Variants in TCF12 observed in about 807,000 individuals in gnomAD.
TCF12 encodes transcription factor 12.
Under a neutral mutation model 86.0 loss-of-function variants are expected in TCF12, and 45 were observed. The ratio of observed to expected loss-of-function variants is 0.52; its 90% CI spans 0.41 to 0.67. TCF12 has a LOEUF of 0.67. Among genes scored for constraint, TCF12 ranks in the 30% least tolerant of loss-of-function variants. The pLI is 0.00. For synonymous variants in TCF12, 330 were observed against 299.6 expected, an observed-to-expected ratio of 1.10 and a Z score of -1.05; for missense variants, 881 against 859.9, an observed-to-expected ratio of 1.02 and a Z score of -0.31.
intron 8 of TCF12, among the ~76,000 whole-genome samples, chr15:57,229,029 G>T (rs1474779446): frequency 6.6e-6 from 1 of 151,906 alleles, no homozygotes; most frequent in African/African-American, 2.4e-5. Flanking sequence ...ATGTGTTCGG[G>T]TGCTGTCTTC....
chr15:56,931,803 A>C (rs1477846583), intron 3 of TCF12, among the ~76,000 whole-genome samples: 4 of 152,198 alleles, frequency 2.6e-5, no homozygotes, highest in Admixed American at 1.3e-4. Flanking sequence ...GAAGTGTGTA[A>C]TAAACTAGTT....
chr15:57,152,339 GC>G (rs2053822975), intron 5 of TCF12, among the ~76,000 whole-genome samples: 1 of 152,122 alleles, frequency 6.6e-6, no homozygotes, highest in Non-Finnish European at 1.5e-5. Flanking sequence ...CTCAGAGGTG[GC>G]CCTGTTATTG....
Position 57,263,284 on chromosome 15 carries a change from A to G in TCF12, c.1745+10A>G, listed in dbSNP as rs1173118292. The G allele has an allele frequency of 1.4e-5, 23 of 1,595,910 alleles. No homozygotes were observed. The highest frequency in any genetic ancestry group is 2.0e-5 in the Non-Finnish European group (23 of 1,176,172). On this transcript the variant is annotated intron_variant, in intron 18 of 20. Coordinates refer to ENST00000333725, the MANE Select transcript of TCF12 (RefSeq NM_207037.2). ...CTAGAGGCAGAACAAGGTATTTGTT[A>G]GCATCCAGGTTTTAAATTTTATTCA...
chr15:57,024,139 C>A (rs537960723), intron 3 of TCF12, among the ~76,000 whole-genome samples: 1 of 149,686 alleles, frequency 6.7e-6, no homozygotes, highest in South Asian at 2.1e-4. Context: ...TAACTGTGAA[C>A]AATGTGTTAG....
At chr15:57,028,229 A>G (rs544833697) in intron 3 of TCF12, among the ~76,000 whole-genome samples, 16 of 152,228 alleles carry the variant, frequency 1.1e-4, no homozygotes, top group East Asian at 3.9e-4. Context: ...TGGCCTCTCA[A>G]AGATTATAGG....
rs186212501 is a variant in TCF12, at chr15:57,164,376, G to A, written c.326-2026G>A. On this transcript the variant is annotated intron_variant, in intron 5 of 20. Coordinates refer to ENST00000333725, the MANE Select transcript of TCF12 (RefSeq NM_207037.2). ...TGACTCACAGTTCAACATGGCTGGG[G>A]AGACCTCAGGAAACTTACAGTCATG... 5.0e-3 allele frequency among the ~76,000 whole-genome samples: 764 copies of A among 152,278 alleles called. 4 individuals are homozygous for A. Among genetic ancestry groups the A allele is most frequent in the African/African-American group, 0.018 (744 of 41,556 alleles).
At chr15:57,226,378 T>G (rs1376225592) in intron 8 of TCF12, among the ~76,000 whole-genome samples, 1 of 152,136 alleles carries the variant, frequency 6.6e-6, no homozygotes, top group African/African-American at 2.4e-5. Flanking sequence ...CCAAATAATT[T>G]TGTTATGTTT....
At chr15:57,114,420 A>G (rs763349479) in intron 5 of TCF12, among the ~76,000 whole-genome samples, 1 of 152,138 alleles carries the variant, frequency 6.6e-6, no homozygotes, top group Non-Finnish European at 1.5e-5. Flanking sequence ...CCCCCCAAGT[A>G]GTCGGGAGTA....
chr15:57,066,698 A>G (rs1462689705), intron 4 of TCF12, among the ~76,000 whole-genome samples: 2 of 152,176 alleles, frequency 1.3e-5, no homozygotes, highest in Non-Finnish European at 2.9e-5. Context: ...GAATTGAACT[A>G]TCTGAGCTGC....
At chr15:57,143,106 C>T (rs1374517512) in intron 5 of TCF12, among the ~76,000 whole-genome samples, 1 of 148,310 alleles carries the variant, frequency 6.7e-6, no homozygotes, top group Non-Finnish European at 1.5e-5. Flanking sequence ...CTACCTTTAC[C>T]AAAATACTTG....
chr15:57,164,636 G>C (rs1655134836), intron 5 of TCF12, among the ~76,000 whole-genome samples: 1 of 152,114 alleles, frequency 6.6e-6, no homozygotes, highest in South Asian at 2.1e-4. Context: ...TGAGGACACA[G>C]CCAAACCGTA....
At position 57,108,409 on chromosome 15, in the gene TCF12, A is replaced by C. The variant is rs151105415; in HGVS notation, c.325+16518A>C. On this transcript the variant is annotated intron_variant, in intron 5 of 20. Transcript: ENST00000333725. ...CTGTCCTCAAGTTTACTGGGTGAGA[A>C]GTGGGGTTTGAGGGTTAGGTTTTGA... Among the ~76,000 whole-genome samples, 543 of 152,298 alleles carry C rather than the reference A, an allele frequency of 3.6e-3. 2 individuals carry two copies. The highest frequency in any genetic ancestry group is 0.013 in the African/African-American group (524 of 41,576).
At chr15:57,003,367 G>GTTGA (rs2064161674) in intron 3 of TCF12, among the ~76,000 whole-genome samples, 1 of 152,110 alleles carries the variant, frequency 6.6e-6, no homozygotes. Context: ...CATATATATT[G>GTTGA]TTGATTCATT....
intron 3 of TCF12, among the ~76,000 whole-genome samples, chr15:56,926,168 C>G (rs1227717047): frequency 6.6e-6 from 1 of 152,090 alleles, no homozygotes. Flanking sequence ...ACAGAATTAG[C>G]CAGGTGTTGT....
intron 6 of TCF12, among the ~76,000 whole-genome samples, chr15:57,170,677 TATATTATATATA>T (rs2055303547): frequency 5.3e-3 from 7 of 1,310 alleles, no homozygotes; most frequent in Admixed American, 0.015. Context: ...ATATATATAA[TATATTATATATA>T]ATATATATTA....
intron 3 of TCF12, among the ~76,000 whole-genome samples, chr15:57,028,521 C>T (rs8037469): frequency 0.059 from 9,032 of 152,114 alleles, 621 homozygotes; most frequent in African/African-American, 0.17. Context: ...TTCTTTTGCC[C>T]GTTTTTAAAT....
chr15:57,194,350 C>T (rs1018174817), intron 7 of TCF12, among the ~76,000 whole-genome samples: 1 of 145,978 alleles, frequency 6.9e-6, no homozygotes, highest in African/African-American at 2.4e-5. Context: ...GAGCTAAGAC[C>T]CAGAGAAGCT....
chr15:57,231,069 C>A, intron 8 of TCF12, 83 bp from the exon 9 acceptor site: 1 of 1,024,044 alleles, frequency 9.8e-7, no homozygotes, highest in Non-Finnish European at 1.5e-6. Flanking sequence ...CTTTTTAAGC[C>A]CCTTACAGAA....
intron 3 of TCF12, among the ~76,000 whole-genome samples, chr15:57,062,079 C>A (rs1422823217): frequency 6.6e-6 from 1 of 152,110 alleles, no homozygotes. Context: ...GCCTCAGCCT[C>A]CTGAGTAGCT....
Sources: allele counts gnomAD v4.1 joint callset (sites outside exome capture counted in the v4.1 genomes callset), GRCh38; gene constraint gnomAD v4.1.1; transcripts MANE v1.5; gene names NCBI Gene and HGNC (gene_info 2026-07-23, HGNC 2026-07-21).